The following CADM2 variants were observed in gnomAD, a reference collection of about 807,000 sequenced individuals.
CADM2 encodes immunoglobulin superfamily member 4D.
In CADM2, 12 loss-of-function variants were observed where a neutral mutation model predicts 49.8. The observed-to-expected ratio is 0.24, with a 90% CI of 0.15 to 0.39. CADM2 has a LOEUF of 0.39. CADM2 is among the 10% of genes least tolerant of loss of function. The pLI is 1.00. For synonymous variants in CADM2, 214 were observed against 175.4 expected (o/e 1.22, Z -1.74); for missense variants, 378 against 492.3 (o/e 0.77, Z 2.20).
chr3:85,856,093 T>C (rs1193540564), intron 3 of CADM2, among the ~76,000 whole-genome samples: 2 of 152,182 alleles, frequency 1.3e-5, no homozygotes, highest in African/African-American at 4.8e-5. Flanking sequence ...TTCTTCTTTT[T>C]GCTAGAGTTT....
At chr3:85,301,141 A>G (rs1413647174) in intron 1 of CADM2, among the ~76,000 whole-genome samples, 1 of 152,086 alleles carries the variant, frequency 6.6e-6, no homozygotes, top group Non-Finnish European at 1.5e-5. Flanking sequence ...CGTAGCCTAG[A>G]TTACACAGTG....
At chr3:85,444,868 T>A (rs1266920265) in intron 1 of CADM2, among the ~76,000 whole-genome samples, 2 of 152,186 alleles carry the variant, frequency 1.3e-5, no homozygotes, top group Non-Finnish European at 2.9e-5. Flanking sequence ...ATACACTGTC[T>A]CTGTCCAGTG....
intron 8 of CADM2, among the ~76,000 whole-genome samples, chr3:86,011,230 T>A (rs1239719891): frequency 4.6e-5 from 7 of 151,976 alleles, no homozygotes; most frequent in African/African-American, 4.8e-5. Context: ...AATGCAAAAA[T>A]CCTAAATGAA....
At chr3:85,005,001 AG>A (rs1444372125) in intron 1 of CADM2, among the ~76,000 whole-genome samples, 3 of 152,182 alleles carry the variant, frequency 2.0e-5, no homozygotes, top group Non-Finnish European at 4.4e-5. Flanking sequence ...GAAGCTCAAA[AG>A]AACTGTCAGT....
At chr3:85,118,345 C>A (rs1311403268) in intron 1 of CADM2, among the ~76,000 whole-genome samples, 1 of 152,072 alleles carries the variant, frequency 6.6e-6, no homozygotes, top group Non-Finnish European at 1.5e-5. Flanking sequence ...GTGTATTAGT[C>A]TGTTTTCACG....
At chr3:85,291,934 A>T (rs2043809790) in intron 1 of CADM2, among the ~76,000 whole-genome samples, 1 of 152,048 alleles carries the variant, frequency 6.6e-6, no homozygotes, top group African/African-American at 2.4e-5. Context: ...ATTCACACAT[A>T]ACAATATTAC....
At chr3:85,781,250 A>G (rs1179382286) in intron 2 of CADM2, among the ~76,000 whole-genome samples, 1 of 152,164 alleles carries the variant, frequency 6.6e-6, no homozygotes, top group Non-Finnish European at 1.5e-5. Flanking sequence ...TCTGTCCTTC[A>G]TGTAATTGGC....
At chr3:85,537,279 A>T (rs2061441248) in intron 1 of CADM2, among the ~76,000 whole-genome samples, 1 of 152,096 alleles carries the variant, frequency 6.6e-6, no homozygotes, top group Admixed American at 6.6e-5. Context: ...TTTAAGTATC[A>T]AAATATTCAG....
intron 7 of CADM2, among the ~76,000 whole-genome samples, chr3:85,952,217 C>A (rs1160157967): frequency 6.6e-6 from 1 of 150,908 alleles, no homozygotes; most frequent in African/African-American, 2.4e-5. Flanking sequence ...ATTATAAAGA[C>A]AAACATTCAG....
In CADM2 at chr3:86,071,268, G is replaced by C. The variant is rs2107462819; in HGVS notation, c.*4485G>C. 6.6e-6 allele frequency: 1 copy of C among 151,980 alleles called. No individual in the cohort carries two copies. Among genetic ancestry groups the C allele is most frequent in the East Asian group, 1.9e-4 (1 of 5,168 alleles). 9.4% of individuals were successfully genotyped at this position (151,980 alleles called of 1,614,324 possible). A position where few individuals can be genotyped will look rare whatever the true frequency, so the allele number is the denominator to read the frequency against. On this transcript the variant is annotated 3_prime_UTR_variant, in exon 10 of 10. Transcript: ENST00000383699. ...GAAAGAACATAGGGTAGTTTTAATAGTTAAAGTCACTATATCTTAATGGGA... is the reference window on the plus strand; with the variant it reads ...GAAAGAACATAGGGTAGTTTTAATACTTAAAGTCACTATATCTTAATGGGA...
chr3:85,212,888 C>CTT (rs2041832297), intron 1 of CADM2, among the ~76,000 whole-genome samples: 4 of 86,686 alleles, frequency 4.6e-5, no homozygotes, highest in African/African-American at 2.1e-4. Flanking sequence ...CTTTCTTTCT[C>CTT]TTTCTTTCTT....
In CADM2 at chr3:85,121,975, C is replaced by A. The variant is rs13090102; in HGVS notation, c.61+162307C>A. 3.9e-5 allele frequency among the ~76,000 whole-genome samples: 6 copies of A among 152,214 alleles called. No individual in the cohort carries two copies. In the South Asian group the frequency reaches 1.2e-3, roughly 32 times the overall value. ...TCACAGGAGATGAGGTGCTCCTTCT[C>A]TGCATCCTCAATCGAGTCCAATCTT... On this transcript the variant is annotated intron_variant, in intron 1 of 9. Transcript: ENST00000383699.
intron 8 of CADM2, among the ~76,000 whole-genome samples, chr3:86,047,556 T>A (rs1736823615): frequency 6.6e-6 from 1 of 152,146 alleles, no homozygotes; most frequent in Non-Finnish European, 1.5e-5. Context: ...AGAGTAGAGC[T>A]ACAAGTCACT....
intron 1 of CADM2, among the ~76,000 whole-genome samples, chr3:85,461,716 A>G (rs1459232266): frequency 6.6e-6 from 1 of 152,174 alleles, no homozygotes; most frequent in Non-Finnish European, 1.5e-5. Context: ...ATTTGATACC[A>G]GAAAAGAATC....
At chr3:85,122,247 A>T (rs2038889464) in intron 1 of CADM2, among the ~76,000 whole-genome samples, 1 of 152,160 alleles carries the variant, frequency 6.6e-6, no homozygotes. Flanking sequence ...ATTCACCAAC[A>T]CATTTCAGTT....
At chr3:85,088,532 A>G (rs66500121) in intron 1 of CADM2, among the ~76,000 whole-genome samples, 68,441 of 151,968 alleles carry the variant, frequency 0.45, 17,813 homozygotes, top group Non-Finnish European at 0.6. Flanking sequence ...TAATATCCTC[A>G]GAATCAAGAG....
intron 1 of CADM2, among the ~76,000 whole-genome samples, chr3:85,496,393 A>G (rs1490448340): frequency 6.6e-6 from 1 of 152,206 alleles, no homozygotes; most frequent in Non-Finnish European, 1.5e-5. Flanking sequence ...GTATGGATGC[A>G]TAGCGTTCCA....
intron 1 of CADM2, among the ~76,000 whole-genome samples, chr3:85,552,511 G>T (rs1428167494): frequency 6.6e-6 from 1 of 150,932 alleles, no homozygotes; most frequent in Non-Finnish European, 1.5e-5. Flanking sequence ...CTACCGAGTA[G>T]CTGAGACTAC....
chr3:85,110,139 G>GA (rs1156521584), intron 1 of CADM2, among the ~76,000 whole-genome samples: 1 of 151,846 alleles, frequency 6.6e-6, no homozygotes, highest in Non-Finnish European at 1.5e-5. Context: ...TGAGAGAAAA[G>GA]AGATTTAGGA....
Sources: gnomAD v4.1 joint callset for allele counts (sites outside exome capture counted in the v4.1 genomes callset) on GRCh38, gnomAD v4.1.1 for gene constraint, MANE v1.5 for transcripts, NCBI Gene and HGNC (gene_info 2026-07-23, HGNC 2026-07-21) for gene names.